Variants in ACACA observed in about 807,000 individuals in gnomAD.
ACACA encodes acetyl-CoA carboxylase alpha.
Under a neutral mutation model 296.1 loss-of-function variants are expected in ACACA, and 103 were observed. The ratio of observed to expected loss-of-function variants is 0.35; its 90% confidence interval spans 0.30 to 0.41. ACACA has a LOEUF of 0.41. Among genes scored for constraint, ACACA ranks in the 10% least tolerant of loss-of-function variants. ACACA has a pLI of 1.00. For missense variants in ACACA, 1,554 were observed against 2,989.7 expected (o/e 0.52, Z 11.20); for synonymous variants, 953 against 1,038.6 (o/e 0.92, Z 1.58).
intron 41 of ACACA, among the ~76,000 whole-genome samples, chr17:37,168,675 G>C (rs1307952973): frequency 1.3e-5 from 2 of 152,074 alleles, no homozygotes; most frequent in Non-Finnish European, 2.9e-5. Context: ...TAAAAATCAA[G>C]ACTCACTTTA....
intron 3 of ACACA, among the ~76,000 whole-genome samples, chr17:37,295,514 C>A (rs1276566567): frequency 6.6e-6 from 1 of 152,146 alleles, no homozygotes; most frequent in African/African-American, 2.4e-5. Flanking sequence ...CACGGCCAGG[C>A]ACAGTGGCTC....
At chr17:37,310,759 A>G (rs1016020371) in intron 3 of ACACA, among the ~76,000 whole-genome samples, 5 of 146,382 alleles carry the variant, frequency 3.4e-5, no homozygotes, top group Non-Finnish European at 5.9e-5. Flanking sequence ...GCAACATTGC[A>G]CTCTACCCTG....
chr17:37,394,215 C>CTTTTTTTTTTTTTTTTTTTTTTTTTT (rs796871691), intron 1 of ACACA, among the ~76,000 whole-genome samples: 1 of 144,464 alleles, frequency 6.9e-6, no homozygotes, highest in East Asian at 2.0e-4. Flanking sequence ...TTTTCTTTTT[C>CTTTTTTTTTTTTTTTTTTTTTTTTTT]TTTTTTTTTT....
At chr17:37,356,122 C>T (rs1210874040) in intron 1 of ACACA, among the ~76,000 whole-genome samples, 1 of 148,388 alleles carries the variant, frequency 6.7e-6, no homozygotes, top group South Asian at 2.2e-4. Flanking sequence ...GAGCCGAGAT[C>T]GTGCCACTGC....
At chr17:37,341,461 T>G (rs2048367534) in intron 1 of ACACA, among the ~76,000 whole-genome samples, 1 of 151,790 alleles carries the variant, frequency 6.6e-6, no homozygotes, top group African/African-American at 2.4e-5. Context: ...GAGGCCAAGA[T>G]GGGCAGATCA....
intron 29 of ACACA, among the ~76,000 whole-genome samples, chr17:37,213,642 T>A (rs1181774611): frequency 6.6e-6 from 1 of 152,198 alleles, no homozygotes; most frequent in Non-Finnish European, 1.5e-5. Context: ...GGCATTTTCT[T>A]ATCTCCGCTC....
At position 37,259,436 on chromosome 17, in the gene ACACA, AATT is replaced by A; in HGVS notation, c.1421_1423del (p.Glu474_Leu475delinsVal). 1 of 1,614,182 alleles carries A rather than the reference AATT, an allele frequency of 6.2e-7. No individual in the cohort carries two copies. The highest frequency in any genetic ancestry group is 8.5e-7 in the Non-Finnish European group (1 of 1,180,022). ...GTGCTCTACCTGCAGCCGAGGATTC[AATT>A]CCAGAAAGTAGAAGCTGCCATCCTG... On this transcript the variant is annotated inframe_deletion, in exon 12 of 56. Coordinates refer to ENST00000616317, the MANE Select transcript of ACACA (RefSeq NM_198834.3).
chr17:37,182,609 AACT>A (rs2077368715), intron 39 of ACACA, among the ~76,000 whole-genome samples: 1 of 152,210 alleles, frequency 6.6e-6, no homozygotes. Context: ...TATAACACTA[AACT>A]AGGCACTTCA....
intron 24 of ACACA, among the ~76,000 whole-genome samples, chr17:37,235,784 G>A (rs1340865697): frequency 6.6e-6 from 1 of 152,100 alleles, no homozygotes; most frequent in Non-Finnish European, 1.5e-5. Context: ...GGAGAACCTT[G>A]CATTAAGTCA....
intron 54 of ACACA, among the ~76,000 whole-genome samples, chr17:37,091,000 C>T (rs1445738071): frequency 6.6e-6 from 1 of 151,738 alleles, no homozygotes; most frequent in Non-Finnish European, 1.5e-5. Flanking sequence ...ATTTAATACT[C>T]TTATTAATCA....
intron 1 of ACACA, among the ~76,000 whole-genome samples, chr17:37,342,474 T>C (rs1409067842): frequency 0.024 from 1,828 of 77,564 alleles, 25 homozygotes; most frequent in East Asian, 0.049. Context: ...CACACACACA[T>C]ATATTTTTAA....
intron 3 of ACACA, among the ~76,000 whole-genome samples, chr17:37,315,405 G>A (rs2047043447): frequency 6.6e-6 from 1 of 152,124 alleles, no homozygotes; most frequent in African/African-American, 2.4e-5. Flanking sequence ...TCAACAACCA[G>A]TTCTGTCCAG....
At chr17:37,309,196 A>T (rs932977851) in intron 3 of ACACA, among the ~76,000 whole-genome samples, 2 of 151,964 alleles carry the variant, frequency 1.3e-5, no homozygotes, top group Admixed American at 1.3e-4. Flanking sequence ...TATTAAAAAA[A>T]ATTTTTTTTT....
At chr17:37,234,662 T>A (rs2080023175) in intron 25 of ACACA, among the ~76,000 whole-genome samples, 1 of 152,088 alleles carries the variant, frequency 6.6e-6, no homozygotes, top group African/African-American at 2.4e-5. Flanking sequence ...AAGATGAAAT[T>A]TTAAAGCTGC....
intron 54 of ACACA, among the ~76,000 whole-genome samples, chr17:37,096,446 A>C (rs775586526): frequency 6.6e-6 from 1 of 151,964 alleles, no homozygotes; most frequent in Non-Finnish European, 1.5e-5. Flanking sequence ...ATTCCTCCTA[A>C]GCCCTGACTG....
intron 25 of ACACA, among the ~76,000 whole-genome samples, chr17:37,228,470 C>T (rs1598250795): frequency 6.6e-6 from 1 of 152,002 alleles, no homozygotes; most frequent in South Asian, 2.1e-4. Flanking sequence ...ATCTGTTCTA[C>T]CTATCCTAGG....
intron 39 of ACACA, among the ~76,000 whole-genome samples, chr17:37,182,007 A>T (rs1351728048): frequency 6.6e-6 from 1 of 151,912 alleles, no homozygotes; most frequent in Non-Finnish European, 1.5e-5. Context: ...AAGTGAGTTG[A>T]ATCTCATATA....
At chr17:37,390,175 T>TATATATATATATACACACACAC (rs60788220) in intron 1 of ACACA, among the ~76,000 whole-genome samples, 9 of 44,510 alleles carry the variant, frequency 2.0e-4, no homozygotes, top group African/African-American at 1.0e-3. Flanking sequence ...TATATATATA[T>TATATATATATATACACACACAC]ACACACACAC....
chr17:37,085,506 T>G lies in ACACA; in HGVS notation c.*1810A>C, dbSNP rs1335421329. 2 of 397,836 alleles carry G rather than the reference T, an allele frequency of 5.0e-6. No homozygotes were observed. The highest frequency in any genetic ancestry group is 8.8e-5 in the Admixed American group (2 of 22,712). The allele number at this position is 397,836 out of a possible 1,614,324, so 24.6% of individuals were successfully genotyped here. On this transcript the variant is annotated 3_prime_UTR_variant, in exon 56 of 56. Transcript: ENST00000616317. ...AAAAAAGCATAGAAGAATAATCTGG[T>G]CAAAAATGAATCCAATTCTTACTAG...
Sources: gnomAD v4.1 joint callset for allele counts (sites outside exome capture counted in the v4.1 genomes callset) on GRCh38, gnomAD v4.1.1 for gene constraint, MANE v1.5 for transcripts, NCBI Gene and HGNC (gene_info 2026-07-23, HGNC 2026-07-21) for gene names.